The following CTNNA3 variants were observed in gnomAD, a reference collection of about 807,000 sequenced individuals.
CTNNA3 encodes the protein catenin alpha 3, also known as catenin alpha-3.
Under a neutral mutation model 95.7 loss-of-function variants are expected in CTNNA3, and 76 were observed. The observed-to-expected ratio is 0.79, with a 90% CI of 0.66 to 0.96. The LOEUF is 0.96. Among genes scored for constraint, CTNNA3 ranks in the 40% least tolerant of loss-of-function variants. The probability of loss-of-function intolerance (pLI) is 0.00; values close to 1 mark genes in which losing one functional copy is unlikely to be tolerated. For synonymous variants in CTNNA3, 431 were observed against 374.4 expected (o/e 1.15, Z -1.74); for missense variants, 1,191 against 1,089.8 (o/e 1.09, Z -1.31).
At chr10:66,048,579 C>T (rs6480133) in intron 15 of CTNNA3, among the ~76,000 whole-genome samples, 79,562 of 151,796 alleles carry the variant, frequency 0.52, 21,212 homozygotes, top group South Asian at 0.59. Flanking sequence ...GCTAACACGG[C>T]GAAACCCCAT....
chr10:67,637,731 T>C (rs1470075910), intron 2 of CTNNA3, among the ~76,000 whole-genome samples: 2 of 152,226 alleles, frequency 1.3e-5, no homozygotes, highest in African/African-American at 4.8e-5. Flanking sequence ...AAGAAAAGAA[T>C]TTTTAACCCA....
At chr10:67,648,741 T>G in intron 1 of CTNNA3, 1 of 1,289,720 alleles carries the variant, frequency 7.8e-7, no homozygotes. Context: ...CTGTTTTACC[T>G]TGTTTCTCTC....
rs1357934761 is a variant in CTNNA3 at position 67,640,102 on chromosome 10, AC to A, written c.99+7312del. Among the ~76,000 whole-genome samples, 20 of 152,208 alleles carry A rather than the reference AC, an allele frequency of 1.3e-4. No individual in the cohort carries two copies. The South Asian group carries it at 2.9e-3, about 22-fold the overall frequency. ...GATGGCATGATTGTATATCTAGAAA[AC>A]CCCATTGTCTCAGCCCAAAATATCC... On this transcript the variant is annotated intron_variant, in intron 2 of 17. Transcript: ENST00000433211.
intron 5 of CTNNA3, among the ~76,000 whole-genome samples, chr10:67,335,142 G>T (rs1405528508): frequency 6.6e-6 from 1 of 152,030 alleles, no homozygotes; most frequent in Non-Finnish European, 1.5e-5. Flanking sequence ...GTTTTCTCGT[G>T]GGACACCAGT....
rs546398239 is a variant in CTNNA3, at chr10:66,805,508, C to CAT, written c.1048-29986_1048-29985dup. 2.9e-3 allele frequency among the ~76,000 whole-genome samples: 421 copies of CAT among 147,494 alleles called. 2 individuals carry two copies. The highest frequency in any genetic ancestry group is 8.5e-3 in the African/African-American group (346 of 40,536). On this transcript the variant is annotated intron_variant, in intron 7 of 17. Transcript: ENST00000433211. ...ACATATATATACATATATATTTATA[C>CAT]ATATATATATATATTATCCTTCAAT...
chr10:66,420,549 G>A (rs12256891), intron 11 of CTNNA3, among the ~76,000 whole-genome samples: 57,785 of 151,478 alleles, frequency 0.38, 11,545 homozygotes, highest in African/African-American at 0.5. Context: ...GCCTGTAATT[G>A]CAGCACTTTG....
chr10:66,283,151 G>T (rs36042802), intron 12 of CTNNA3, among the ~76,000 whole-genome samples: 22,951 of 151,680 alleles, frequency 0.15, 1,872 homozygotes, highest in East Asian at 0.28. Flanking sequence ...TTCTGGAGTA[G>T]ACAGCAAACC....
At chr10:67,248,910 A>G (rs1457051860) in intron 5 of CTNNA3, among the ~76,000 whole-genome samples, 1 of 152,202 alleles carries the variant, frequency 6.6e-6, no homozygotes, top group African/African-American at 2.4e-5. Context: ...GGTCATTGCC[A>G]AGGTCTGATT....
chr10:67,739,728 C>A (rs555145683), intron 1 of CTNNA3, among the ~76,000 whole-genome samples: 1 of 152,248 alleles, frequency 6.6e-6, no homozygotes, highest in African/African-American at 2.4e-5. Context: ...AATGGCCATA[C>A]TGCCCAAGGT....
chr10:67,688,878 C>A (rs1840787192), intron 1 of CTNNA3, among the ~76,000 whole-genome samples: 1 of 152,160 alleles, frequency 6.6e-6, no homozygotes. Context: ...CCCTGCTGAT[C>A]AGAATAGTTG....
intron 5 of CTNNA3, among the ~76,000 whole-genome samples, chr10:67,473,135 A>G (rs2133033619): frequency 6.6e-6 from 1 of 152,366 alleles, no homozygotes; most frequent in African/African-American, 2.4e-5. Context: ...TGAACAATAT[A>G]TGAAGTGAAG....
At chr10:67,011,338 C>CAAA (rs764795305) in intron 7 of CTNNA3, among the ~76,000 whole-genome samples, 2 of 62,352 alleles carry the variant, frequency 3.2e-5, no homozygotes, top group African/African-American at 5.9e-5. Context: ...AAGTCTGTCT[C>CAAA]AAAAAAAAAA....
Position 66,520,620 on chromosome 10 carries a change from A to T in CTNNA3, c.1528T>A (p.Ser510Thr). 2 of 1,598,982 alleles carry T rather than the reference A, an allele frequency of 1.3e-6. No individual in the cohort carries two copies. Among genetic ancestry groups the T allele is most frequent in the Non-Finnish European group, 8.5e-7 (1 of 1,172,528 alleles). Residue 510 changes from serine to threonine, a missense_variant, in exon 11 of 18, where the codon TCT (serine) becomes ACT (threonine). Ser to Thr is a moderately conservative substitution (Grantham distance 58). Coordinates refer to ENST00000433211, the MANE Select transcript of CTNNA3 (RefSeq NM_013266.4). Reference protein sequence around the residue: ...ITSIDDFLAVSESHILEDVNK... With the variant: ...ITSIDDFLAVTESHILEDVNK... ...AATTAAAAGAATAAAAACATACCAG[A>T]TACAGCAAGGAAGTCATCAATGCTT...
intron 5 of CTNNA3, among the ~76,000 whole-genome samples, chr10:67,453,212 T>A (rs576074126): frequency 3.9e-5 from 6 of 152,154 alleles, no homozygotes; most frequent in Non-Finnish European, 8.8e-5. Flanking sequence ...GCTAACCTTA[T>A]GAACACATAT....
At chr10:66,437,832 A>C (rs185664011) in intron 11 of CTNNA3, among the ~76,000 whole-genome samples, 163 of 152,080 alleles carry the variant, frequency 1.1e-3, no homozygotes, top group Middle Eastern at 3.4e-3. Flanking sequence ...ATCTTTGTGG[A>C]TTTATCTACC....
chr10:66,607,987 C>G (rs542282152), intron 10 of CTNNA3, among the ~76,000 whole-genome samples: 1 of 152,108 alleles, frequency 6.6e-6, no homozygotes, highest in African/African-American at 2.4e-5. Flanking sequence ...GGCATGTAAA[C>G]AGGAAGAGGG....
chr10:66,206,112 T>C (rs149293572), intron 13 of CTNNA3, among the ~76,000 whole-genome samples: 1 of 152,056 alleles, frequency 6.6e-6, no homozygotes, highest in East Asian at 1.9e-4. Context: ...GTGAGAAATT[T>C]AGTCCTTTTA....
intron 11 of CTNNA3, among the ~76,000 whole-genome samples, chr10:66,424,774 A>G (rs1386842853): frequency 4.0e-5 from 6 of 151,732 alleles, no homozygotes; most frequent in Non-Finnish European, 8.8e-5. Flanking sequence ...AGGGGTATTA[A>G]TTAAGACTTT....
intron 15 of CTNNA3, among the ~76,000 whole-genome samples, chr10:66,005,512 T>C (rs1180962120): frequency 6.6e-6 from 1 of 152,162 alleles, no homozygotes; most frequent in Non-Finnish European, 1.5e-5. Context: ...GCTCCTTTAC[T>C]TACAATTCAT....
Sources: allele counts gnomAD v4.1 joint callset (sites outside exome capture counted in the v4.1 genomes callset), GRCh38; gene constraint gnomAD v4.1.1; transcripts MANE v1.5; gene names NCBI Gene and HGNC (gene_info 2026-07-23, HGNC 2026-07-21).